The following COL16A1 variants were observed in gnomAD, a reference collection of about 807,000 sequenced individuals.
COL16A1 encodes the protein collagen type XVI alpha 1 chain.
In COL16A1, 189 loss-of-function variants were observed where a neutral mutation model predicts 266.3. The ratio of observed to expected loss-of-function variants is 0.71; its 90% CI spans 0.63 to 0.80. The LOEUF (loss-of-function observed/expected upper bound fraction) is 0.80. Among genes scored for constraint, COL16A1 ranks in the 30% least tolerant of loss-of-function variants. The probability of loss-of-function intolerance (pLI) is 0.00; values close to 1 mark genes in which losing one functional copy is unlikely to be tolerated. For synonymous variants in COL16A1, 740 were observed against 782.3 expected (o/e 0.95, Z 0.90); for missense variants, 1,928 against 2,122.4 (o/e 0.91, Z 1.80).
intron 1 of COL16A1, 113 bp from the exon 2 acceptor site, chr1:31,702,340 G>T (rs900826140): frequency 1.8e-6 from 2 of 1,103,764 alleles, no homozygotes; most frequent in African/African-American, 1.6e-5. Context: ...TGGGGTGGCA[G>T]GAGGTCTGGC....
chr1:31,652,933 T>C lies in COL16A1; in HGVS notation c.4613-80A>G. The stretch of plus-strand genomic sequence containing the variant: ...AAGAAGCCATAATGGCATCAAATAA[T>C]ACCTTACATTTGATGACTGTTTCTC... On this transcript the variant is annotated intron_variant, in intron 70 of 70. Coordinates refer to ENST00000373672, the MANE Select transcript of COL16A1 (RefSeq NM_001856.4). This position sits in a 1 kb window ranked among gnomAD's most constrained non-coding sequence, Gnocchi z 4.8. 1 of 1,275,160 alleles carries C rather than the reference T, an allele frequency of 7.8e-7. No homozygotes were observed. The highest frequency in any genetic ancestry group is 1.0e-6 in the Non-Finnish European group (1 of 968,486). The allele number at this position is 1,275,160 out of a possible 1,614,324, so 79.0% of individuals were successfully genotyped here. A position where few individuals can be genotyped will look rare whatever the true frequency, so the allele number is the denominator to read the frequency against.
At chr1:31,659,816 C>T (rs1368369505) in intron 62 of COL16A1, 1 of 152,150 alleles carries the variant, frequency 6.6e-6, no homozygotes, top group East Asian at 1.9e-4. Context: ...ACTGAGTCTC[C>T]AATGGGGCCA....
chr1:31,697,179 C>G lies in COL16A1; in HGVS notation c.738+41G>C. Reference sequence around the variant, plus strand: ...TCACCTTCCAGACCCTCATCTCCAGCACAGTGTGTCCCTGGGCAGCCCAAG... The same window carrying G: ...TCACCTTCCAGACCCTCATCTCCAGGACAGTGTGTCCCTGGGCAGCCCAAG... On this transcript the variant is annotated intron_variant, in intron 7 of 70. Coordinates refer to ENST00000373672, the MANE Select transcript of COL16A1 (RefSeq NM_001856.4). This position sits in a 1 kb window ranked among gnomAD's most constrained non-coding sequence, Gnocchi z 4.2. 1 of 1,613,064 alleles carries G rather than the reference C, an allele frequency of 6.2e-7. No homozygotes were observed. Among genetic ancestry groups the G allele is most frequent in the Non-Finnish European group, 8.5e-7 (1 of 1,179,466 alleles).
At position 31,654,869 on chromosome 1, in the gene COL16A1, A is replaced by C. The variant is rs757971624; in HGVS notation, c.4291-11T>G. On this transcript the variant is annotated splice_polypyrimidine_tract_variant and intron_variant, in intron 67 of 70. Transcript: ENST00000373672. ...ATTCACCATGTCTCCCTGAAGAAAG[A>C]GAAGAAAACCTGCCTCAATTATACT... The C allele has an allele frequency of 6.2e-7, 1 of 1,613,822 alleles. No individual in the cohort carries two copies. Among genetic ancestry groups the C allele is most frequent in the Non-Finnish European group, 8.5e-7 (1 of 1,179,966 alleles).
Position 31,694,163 on chromosome 1 carries a change from A to G in COL16A1, c.989T>C (p.Leu330Pro). The G allele has an allele frequency of 2.5e-6, 4 of 1,596,232 alleles. No individual in the cohort carries two copies. The highest frequency in any genetic ancestry group is 3.4e-6 in the Non-Finnish European group (4 of 1,168,766). Residue 330 changes from leucine (L) to proline (P), a missense_variant, in exon 12 of 71, where the codon CTT (leucine) becomes CCT (proline). Leu to Pro is a moderately conservative substitution (Grantham distance 98, BLOSUM62 -3). Coordinates refer to ENST00000373672, the MANE Select transcript of COL16A1 (RefSeq NM_001856.4). ...VHGARDSNVTLAPSGPKGGKG... is the reference protein window; with the variant it reads ...VHGARDSNVTPAPSGPKGGKG... ...ACTCACCTTGGGGCCAGAGGGAGCA[A>G]GTGTGACCTGAGGGGACAGAGGAGA...
At chr1:31,660,931 G>T (rs541352804) in intron 61 of COL16A1, 135 bp downstream of exon 61, 2 of 1,014,974 alleles carry the variant, frequency 2.0e-6, no homozygotes, top group South Asian at 1.6e-5. Context: ...GTGCAGTGTT[G>T]GGTGACACCC....
rs1485265689 is a variant in COL16A1, at chr1:31,679,660, G to T, written c.2744C>A (p.Pro915Gln). Residue 915 changes from proline (P) to glutamine (Q), a missense_variant, in exon 42 of 71, where the codon CCA (proline) becomes CAA (glutamine). Coordinates refer to ENST00000373672, the MANE Select transcript of COL16A1 (RefSeq NM_001856.4). Reference sequence around the variant, plus strand: ...CAGCCCAGGTACTCCAGGGGGGCCTGGTGGTCCGGGAATACCTGGTGGACC... The same window carrying T: ...CAGCCCAGGTACTCCAGGGGGGCCTTGTGGTCCGGGAATACCTGGTGGACC... Reference protein sequence around the residue: ...PQGPPGIPGPPGPPGVPGLQG... With the variant: ...PQGPPGIPGPQGPPGVPGLQG... 6.2e-7 allele frequency: 1 copy of T among 1,614,070 alleles called. No homozygotes were observed. The highest frequency in any genetic ancestry group is 1.3e-5 in the African/African-American group (1 of 74,940).
Position 31,670,462 on chromosome 1 carries a change from G to C in COL16A1, c.3195+140C>G, listed in dbSNP as rs568894002. Reference sequence around the variant, plus strand: ...AAGCTGCCGGGACCTCAGAGAACCCGTGTCGTTAGCTACCGTGCCTGAAGG... The same window carrying C: ...AAGCTGCCGGGACCTCAGAGAACCCCTGTCGTTAGCTACCGTGCCTGAAGG... On this transcript the variant is annotated intron_variant, in intron 49 of 70. Coordinates refer to ENST00000373672, the MANE Select transcript of COL16A1 (RefSeq NM_001856.4). This position sits in a 1 kb window ranked among gnomAD's most constrained non-coding sequence, Gnocchi z 4.5. 5.3e-6 allele frequency: 6 copies of C among 1,129,400 alleles called. No individual in the cohort carries two copies. Among genetic ancestry groups the C allele is most frequent in the Non-Finnish European group, 6.9e-6 (6 of 866,450 alleles). 70.0% of individuals were successfully genotyped at this position (1,129,400 alleles called of 1,614,324 possible).
At chr1:31,673,713 G>A (rs537241236) in intron 44 of COL16A1, among the ~76,000 whole-genome samples, 64 of 152,356 alleles carry the variant, frequency 4.2e-4, no homozygotes, top group African/African-American at 1.5e-3. Flanking sequence ...CAAGAGAGGC[G>A]GCGTGACTTG....
At chr1:31,666,216 C>T (rs1642132874) in intron 52 of COL16A1, 135 bp from the exon 53 acceptor site, 9 of 924,274 alleles carry the variant, frequency 9.7e-6, no homozygotes, top group Middle Eastern at 3.4e-4. Context: ...GCCCCCTCTG[C>T]CTGATCTGCT....
chr1:31,699,589 C>G (rs1305010115), intron 4 of COL16A1, among the ~76,000 whole-genome samples: 1 of 152,358 alleles, frequency 6.6e-6, no homozygotes, highest in South Asian at 2.1e-4. Flanking sequence ...CTGTTCCCAC[C>G]CACTGCTGGC....
chr1:31,662,767 A>C, intron 56 of COL16A1, 109 bp from the exon 57 acceptor site: 3 of 1,148,204 alleles, frequency 2.6e-6, no homozygotes, highest in South Asian at 1.5e-5. Context: ...ACTGCTGGAA[A>C]CAGGACAGCT....
At chr1:31,677,905 C>CTT (rs1394795497) in intron 42 of COL16A1, among the ~76,000 whole-genome samples, 2 of 152,222 alleles carry the variant, frequency 1.3e-5, no homozygotes, top group East Asian at 3.8e-4. Flanking sequence ...GTTTACACTA[C>CTT]ATCAGCTCTC....
At position 31,685,757 on chromosome 1, in the gene COL16A1, T is replaced by G; in HGVS notation, c.1898A>C (p.Glu633Ala). The G allele has an allele frequency of 6.2e-7, 1 of 1,613,840 alleles. No homozygotes were observed. Among genetic ancestry groups the G allele is most frequent in the Non-Finnish European group, 8.5e-7 (1 of 1,179,980 alleles). ...GIKGAKGEPC[E>A]PCPALSNLQD... ...AAGGTTGGACAGGGCTGGGCACGGC[T>G]CACAGGGCTCCCCCTGCCAAGCAAG... The change falls in exon 29 of 71, where the codon GAG becomes GCG. Residue 633 changes from glutamate (E) to alanine (A), a missense_variant. Coordinates refer to ENST00000373672, the MANE Select transcript of COL16A1 (RefSeq NM_001856.4). The surrounding 1 kb of genome is among the most constrained non-coding windows in gnomAD (Gnocchi z 4.0).
chr1:31,655,299 A>C lies in COL16A1; in HGVS notation c.4290+15T>G. ...CTATGGGACAGTGCCCACAGCTGCC[A>C]GCCTTCCCCCTTACCATGGAGCCAG... On this transcript the variant is annotated intron_variant, in intron 67 of 70. Transcript: ENST00000373672. 1 of 1,608,948 alleles carries C rather than the reference A, an allele frequency of 6.2e-7. No homozygotes were observed. Among genetic ancestry groups the C allele is most frequent in the Non-Finnish European group, 8.5e-7 (1 of 1,177,492 alleles).
At chr1:31,703,679 G>C (rs1222126393) in intron 1 of COL16A1, among the ~76,000 whole-genome samples, 158 bp downstream of exon 1, 2 of 152,228 alleles carry the variant, frequency 1.3e-5, no homozygotes, top group Non-Finnish European at 2.9e-5. Flanking sequence ...TGGGCGCAGG[G>C]AGTCAGAACC....
chr1:31,656,004 G>C lies in COL16A1; in HGVS notation c.4101+396C>G. The C allele has an allele frequency of 3.1e-6, 1 of 326,314 alleles. No homozygotes were observed. The highest frequency in any genetic ancestry group is 5.7e-6 in the Non-Finnish European group (1 of 174,838). 20.2% of individuals were successfully genotyped at this position (326,314 alleles called of 1,614,324 possible). On this transcript the variant is annotated intron_variant, in intron 66 of 70. Transcript: ENST00000373672. The surrounding 1 kb of genome is among the most constrained non-coding windows in gnomAD (Gnocchi z 4.2). The stretch of plus-strand genomic sequence containing the variant: ...GTGCTCCTCCCTCTCATCCCACAGC[G>C]CTATGTCTCATGTCTTCTGGAAAAC...
chr1:31,673,768 C>A (rs776301435), intron 44 of COL16A1, among the ~76,000 whole-genome samples: 1 of 152,260 alleles, frequency 6.6e-6, no homozygotes, highest in Admixed American at 6.5e-5. Context: ...CTGTCCTAGG[C>A]CACAGCCAGT....
intron 32 of COL16A1, 24 bp from the exon 33 acceptor site, chr1:31,684,027 G>A (rs956120751): frequency 6.2e-7 from 1 of 1,614,166 alleles, no homozygotes; most frequent in Middle Eastern, 1.6e-4. Context: ...GGTGGCCCAT[G>A]GAGTCCCCAC....
Sources: gnomAD v4.1 joint callset for allele counts (sites outside exome capture counted in the v4.1 genomes callset) on GRCh38, gnomAD v4.1.1 for gene constraint, Gnocchi (gnomAD v3.1) non-coding constraint, MANE v1.5 for transcripts, NCBI Gene and HGNC (gene_info 2026-07-23, HGNC 2026-07-21) for gene names.